Variants in RBFOX1 observed in about 807,000 individuals in gnomAD.
RBFOX1 encodes RNA binding fox-1 homolog 1.
In RBFOX1, 8 loss-of-function variants were observed where a neutral mutation model predicts 57.7. The ratio of observed to expected loss-of-function variants is 0.14; its 90% CI spans 0.08 to 0.25. RBFOX1 has a LOEUF of 0.25. Among genes scored for constraint, RBFOX1 ranks in the 10% least tolerant of loss-of-function variants. RBFOX1 has a pLI of 1.00. For missense variants in RBFOX1, 611 were observed against 548.5 expected, an observed-to-expected ratio of 1.11 and a Z score of -1.14; for synonymous variants, 326 against 222.4, an observed-to-expected ratio of 1.47 and a Z score of -4.15.
At chr16:6,531,459 A>G (rs994850508) in intron 2 of RBFOX1, among the ~76,000 whole-genome samples, 13 of 152,218 alleles carry the variant, frequency 8.5e-5, no homozygotes, top group African/African-American at 2.7e-4. Context: ...TGTCCTGATT[A>G]TGATTACATT....
intron 3 of RBFOX1, among the ~76,000 whole-genome samples, chr16:6,722,947 A>T (rs4786924): frequency 2.6e-5 from 4 of 151,942 alleles, no homozygotes; most frequent in Admixed American, 2.0e-4. Flanking sequence ...CTCTGCTTCT[A>T]GGCAAGTCAG....
At chr16:6,701,161 G>T (rs201926820) in intron 3 of RBFOX1, among the ~76,000 whole-genome samples, 1 of 149,128 alleles carries the variant, frequency 6.7e-6, no homozygotes, top group Admixed American at 6.7e-5. Context: ...GTGTGTGTTT[G>T]TCTTGGGCTG....
intron 3 of RBFOX1, among the ~76,000 whole-genome samples, chr16:6,769,806 G>T (rs2077997882): frequency 6.6e-6 from 1 of 151,904 alleles, no homozygotes; most frequent in Non-Finnish European, 1.5e-5. Context: ...GGTTTTTTTT[G>T]CAGCAATGAT....
In RBFOX1 at chr16:7,636,107, G is replaced by C. The variant is rs548239841; in HGVS notation, c.757+5424G>C. On this transcript the variant is annotated intron_variant, in intron 11 of 15. Transcript: ENST00000550418. The stretch of plus-strand genomic sequence containing the variant: ...TTGCAGGCATGAGCCACTGCGCCCA[G>C]CCCAAGCTACCTCTTTTTCTATTCC... Among the ~76,000 whole-genome samples the C allele has an allele frequency of 7.0e-4, 106 of 152,342 alleles. 2 individuals carry two copies. In the East Asian group the frequency reaches 0.018, roughly 26 times the overall value.
At chr16:5,549,613 A>T (rs762666003) in intron 2 of RBFOX1, among the ~76,000 whole-genome samples, 2 of 152,182 alleles carry the variant, frequency 1.3e-5, no homozygotes, top group Non-Finnish European at 2.9e-5. Context: ...GTAAAACCAG[A>T]TGGGAAAAAT....
chr16:6,902,927 CTT>C (rs757712034), intron 3 of RBFOX1, among the ~76,000 whole-genome samples: 3 of 152,150 alleles, frequency 2.0e-5, no homozygotes, highest in Non-Finnish European at 4.4e-5. Flanking sequence ...AGATTCTACT[CTT>C]TACTTGTTCG....
intron 4 of RBFOX1, among the ~76,000 whole-genome samples, chr16:7,144,417 C>CTTTTTTTTTTTTTTT (rs1190886141): frequency 3.0e-5 from 2 of 66,914 alleles, no homozygotes; most frequent in African/African-American, 6.1e-5. Flanking sequence ...TTTCTTTCTT[C>CTTTTTTTTTTTTTTT]TTTTTTTTTT....
intron 4 of RBFOX1, among the ~76,000 whole-genome samples, chr16:7,469,247 A>G (rs1212781969): frequency 6.6e-6 from 1 of 151,090 alleles, no homozygotes; most frequent in East Asian, 2.0e-4. Flanking sequence ...AATTCTTAGT[A>G]GAGACAGGGT....
chr16:7,636,766 G>T (rs537928869), intron 11 of RBFOX1, among the ~76,000 whole-genome samples: 3 of 152,100 alleles, frequency 2.0e-5, no homozygotes, highest in East Asian at 3.9e-4. Flanking sequence ...GTTAGGTTCC[G>T]GTGAGGGCTT....
intron 1 of RBFOX1, among the ~76,000 whole-genome samples, chr16:5,396,803 A>G (rs2066571720): frequency 6.6e-6 from 1 of 152,252 alleles, no homozygotes; most frequent in Non-Finnish European, 1.5e-5. Context: ...CCTTGAAGCC[A>G]GCAAACTCCA....
intron 3 of RBFOX1, among the ~76,000 whole-genome samples, chr16:6,965,902 G>A (rs80078341): frequency 0.12 from 18,834 of 152,138 alleles, 1,264 homozygotes; most frequent in South Asian, 0.24. Context: ...AGGAAATGCC[G>A]GGAAATAGTA....
At chr16:5,936,234 G>A (rs745821937) in intron 4 of RBFOX1, among the ~76,000 whole-genome samples, 11 of 151,974 alleles carry the variant, frequency 7.2e-5, no homozygotes, top group African/African-American at 1.9e-4. Context: ...AGCGATTCTC[G>A]TGCCTCAGCA....
chr16:6,142,458 T>A (rs2096726144), intron 1 of RBFOX1, among the ~76,000 whole-genome samples: 4 of 151,956 alleles, frequency 2.6e-5, no homozygotes, highest in Admixed American at 2.6e-4. Flanking sequence ...CCTGACCTTG[T>A]GATTCGCCCG....
intron 4 of RBFOX1, among the ~76,000 whole-genome samples, chr16:7,220,630 C>G (rs1322588582): frequency 6.6e-6 from 1 of 152,166 alleles, no homozygotes; most frequent in Non-Finnish European, 1.5e-5. Flanking sequence ...TGGTTGAGGA[C>G]TTGTTACCTG....
intron 4 of RBFOX1, among the ~76,000 whole-genome samples, chr16:7,260,785 A>G (rs1396130480): frequency 6.6e-6 from 1 of 152,186 alleles, no homozygotes. Context: ...AGGCTGCCGA[A>G]CAGCAGGGTC....
intron 4 of RBFOX1, among the ~76,000 whole-genome samples, chr16:7,062,051 C>G (rs937257398): frequency 2.6e-5 from 4 of 152,148 alleles, no homozygotes; most frequent in Non-Finnish European, 4.4e-5. Context: ...GGTGTGGTGG[C>G]TCACACCTGT....
At chr16:6,915,810 G>A (rs551597423) in intron 3 of RBFOX1, among the ~76,000 whole-genome samples, 2 of 152,106 alleles carry the variant, frequency 1.3e-5, no homozygotes, top group African/African-American at 4.8e-5. Context: ...CCCTGGCCTC[G>A]CAAAGTCCTG....
chr16:5,560,430 C>G (rs1052419460), intron 2 of RBFOX1, among the ~76,000 whole-genome samples: 4 of 152,126 alleles, frequency 2.6e-5, no homozygotes, highest in African/African-American at 9.7e-5. Flanking sequence ...GATGGCTTCT[C>G]CCCGCACTCC....
intron 2 of RBFOX1, among the ~76,000 whole-genome samples, chr16:5,590,061 A>G (rs1411592191): frequency 7.0e-6 from 1 of 143,546 alleles, no homozygotes; most frequent in Non-Finnish European, 1.5e-5. Flanking sequence ...ACACACACAC[A>G]CACACACACA....
Sources: gnomAD v4.1 joint callset for allele counts (sites outside exome capture counted in the v4.1 genomes callset) on GRCh38, gnomAD v4.1.1 for gene constraint, MANE v1.5 for transcripts, NCBI Gene and HGNC (gene_info 2026-07-23, HGNC 2026-07-21) for gene names.